C12orf42: variants seen among roughly 807,000 people sequenced by gnomAD.
C12orf42 encodes the protein uncharacterized protein C12orf42.
Under a neutral mutation model 21.6 loss-of-function variants are expected in C12orf42, and 25 were observed. That is an observed-to-expected ratio of 1.16 (90% confidence interval 0.84 to 1.62). The LOEUF is 1.62. Ranked by LOEUF, C12orf42 falls within the 40% of genes most tolerant of loss-of-function variation. C12orf42 has a pLI of 0.00. For synonymous variants in C12orf42, 174 were observed against 175.0 expected (o/e 0.99, Z 0.05); for missense variants, 483 against 459.3 (o/e 1.05, Z -0.47).
the C12orf42 span, among the ~76,000 whole-genome samples, chr12:103,082,980 C>A: frequency 1.3e-5 from 2 of 152,136 alleles, no homozygotes; most frequent in Non-Finnish European, 2.9e-5. Context: ...TCAGGAAGAG[C>A]TTTATAGCAA....
chr12:103,229,958 A>T, the C12orf42 span, among the ~76,000 whole-genome samples: 1 of 152,192 alleles, frequency 6.6e-6, no homozygotes, highest in Non-Finnish European at 1.5e-5. Context: ...GAAGTTTGCC[A>T]GAGTTCATGA....
At chr12:103,443,515 A>C (rs1951393818) in intron 2 of C12orf42, among the ~76,000 whole-genome samples, 1 of 152,146 alleles carries the variant, frequency 6.6e-6, no homozygotes, top group African/African-American at 2.4e-5. Context: ...TGAATGGAAG[A>C]GCACAAGCCT....
upstream of C12orf42, among the ~76,000 whole-genome samples, chr12:103,498,347 C>T (rs148686173): frequency 2.6e-5 from 4 of 152,302 alleles, no homozygotes; most frequent in South Asian, 2.1e-4. Flanking sequence ...CTCAATAAAT[C>T]GTTGTTGGAT....
chr12:103,133,406 T>C, the C12orf42 span, among the ~76,000 whole-genome samples: 1 of 152,104 alleles, frequency 6.6e-6, no homozygotes, highest in Non-Finnish European at 1.5e-5. Context: ...ATCTATCCCC[T>C]TGGACTCACT....
chr12:103,122,796 G>A, the C12orf42 span, among the ~76,000 whole-genome samples: 1 of 152,116 alleles, frequency 6.6e-6, no homozygotes, highest in African/African-American at 2.4e-5. Context: ...TAGGGACTTT[G>A]TCTTTTTACT....
At chr12:103,146,613 A>AAGAAAGG in the C12orf42 span, among the ~76,000 whole-genome samples, 5 of 151,936 alleles carry the variant, frequency 3.3e-5, no homozygotes, top group East Asian at 9.6e-4. Flanking sequence ...AGAAAGAAAA[A>AAGAAAGG]GAAAAGTAAA....
the C12orf42 span, among the ~76,000 whole-genome samples, chr12:103,132,625 A>C: frequency 6.6e-6 from 1 of 152,076 alleles, no homozygotes; most frequent in Non-Finnish European, 1.5e-5. Flanking sequence ...CTGCATCTCC[A>C]CATCTCTGGA....
chr12:103,455,072 A>G (rs1347689823), intron 2 of C12orf42, among the ~76,000 whole-genome samples: 1 of 152,194 alleles, frequency 6.6e-6, no homozygotes, highest in Non-Finnish European at 1.5e-5. Flanking sequence ...TAGTAATAGT[A>G]GTAGCATACC....
chr12:103,411,028 A>T (rs1300774171), intron 2 of C12orf42, among the ~76,000 whole-genome samples: 2 of 144,648 alleles, frequency 1.4e-5, no homozygotes, highest in African/African-American at 5.4e-5. Flanking sequence ...GCCTCCAAAT[A>T]TACCCCAATA....
chr12:103,127,166 T>C, the C12orf42 span, among the ~76,000 whole-genome samples: 2 of 152,192 alleles, frequency 1.3e-5, no homozygotes, highest in African/African-American at 2.4e-5. Flanking sequence ...TAGCAAAATC[T>C]ACAAAGGTCA....
At chr12:103,109,520 T>C in the C12orf42 span, among the ~76,000 whole-genome samples, 10 of 151,840 alleles carry the variant, frequency 6.6e-5, no homozygotes, top group African/African-American at 2.4e-4. Flanking sequence ...AAGCTCTAGA[T>C]GTGAAATGCG....
chr12:103,341,004 T>A (rs1354613416), intron 4 of C12orf42, among the ~76,000 whole-genome samples: 1 of 150,486 alleles, frequency 6.6e-6, no homozygotes, highest in Non-Finnish European at 1.5e-5. Context: ...TCCCAGCTAC[T>A]TGGGAGGCTG....
At chr12:103,538,103 C>A in the C12orf42 span, among the ~76,000 whole-genome samples, 1 of 152,136 alleles carries the variant, frequency 6.6e-6, no homozygotes, top group Non-Finnish European at 1.5e-5. Context: ...TCACTTATAA[C>A]CTTGTTCCAC....
chr12:103,110,142 G>C, the C12orf42 span, among the ~76,000 whole-genome samples: 1 of 152,160 alleles, frequency 6.6e-6, no homozygotes, highest in Non-Finnish European at 1.5e-5. Flanking sequence ...AACCTCTTTG[G>C]AGAGTAATAA....
chr12:103,145,962 GAGAGAGAA>G, the C12orf42 span, among the ~76,000 whole-genome samples: 31 of 152,090 alleles, frequency 2.0e-4, no homozygotes, highest in African/African-American at 7.2e-4. Flanking sequence ...TATAGAGAGA[GAGAGAGAA>G]AGAGAGAAAG....
chr12:103,389,177 C>A (rs148118247), intron 3 of C12orf42, among the ~76,000 whole-genome samples: 1 of 152,152 alleles, frequency 6.6e-6, no homozygotes, highest in African/African-American at 2.4e-5. Flanking sequence ...GGGGCCATAG[C>A]CTTGAACTGT....
At chr12:103,469,293 AACAT>A (rs1289301203) in intron 2 of C12orf42, among the ~76,000 whole-genome samples, 1 of 152,216 alleles carries the variant, frequency 6.6e-6, no homozygotes, top group African/African-American at 2.4e-5. Flanking sequence ...GATGTGTAAA[AACAT>A]ACATCAATAT....
the C12orf42 span, among the ~76,000 whole-genome samples, chr12:103,191,949 A>G: frequency 6.6e-6 from 1 of 152,148 alleles, no homozygotes; most frequent in Non-Finnish European, 1.5e-5. Flanking sequence ...AGACTGTTAT[A>G]GCAATAAAAA....
At chr12:103,549,881 CCTTT>C in the C12orf42 span, among the ~76,000 whole-genome samples, 1 of 152,272 alleles carries the variant, frequency 6.6e-6, no homozygotes, top group African/African-American at 2.4e-5. Context: ...TTTGCCTGTT[CCTTT>C]CTTTGTTTTA....
Sources: allele counts gnomAD v4.1 joint callset (sites outside exome capture counted in the v4.1 genomes callset), GRCh38; gene constraint gnomAD v4.1.1; transcripts MANE v1.5; gene names NCBI Gene and HGNC (gene_info 2026-07-23, HGNC 2026-07-21).